The following ZDHHC17 variants were observed in gnomAD, a reference collection of about 807,000 sequenced individuals.
The protein encoded by ZDHHC17 is zDHHC palmitoyltransferase 17, also known as palmitoyltransferase ZDHHC17.
In ZDHHC17, 40 loss-of-function variants were observed where a neutral mutation model predicts 90.3. The ratio of observed to expected loss-of-function variants is 0.44; its 90% confidence interval spans 0.34 to 0.58. The LOEUF (loss-of-function observed/expected upper bound fraction) is 0.58, where lower values mean the gene tolerates loss of function less well. Ranked by LOEUF, ZDHHC17 falls within the 20% of genes least tolerant of loss-of-function variation. ZDHHC17 has a pLI of 0.01. For synonymous variants in ZDHHC17, 235 were observed against 252.4 expected (o/e 0.93, Z 0.65); for missense variants, 614 against 780.8 (o/e 0.79, Z 2.55).
At chr12:76,814,664 T>C (rs1953063134) in intron 5 of ZDHHC17, among the ~76,000 whole-genome samples, 1 of 151,954 alleles carries the variant, frequency 6.6e-6, no homozygotes, top group Non-Finnish European at 1.5e-5. Context: ...CTTTAGTGTG[T>C]TGCTTTTTCC....
chr12:76,804,843 T>C (rs1334045317), intron 2 of ZDHHC17, among the ~76,000 whole-genome samples: 1 of 152,168 alleles, frequency 6.6e-6, no homozygotes, highest in African/African-American at 2.4e-5. Flanking sequence ...ACTTTCGCCT[T>C]TCCTCGTGCC....
chr12:76,788,814 A>T (rs1952726058), intron 1 of ZDHHC17, among the ~76,000 whole-genome samples: 2 of 148,978 alleles, frequency 1.3e-5, no homozygotes, highest in African/African-American at 5.0e-5. Context: ...CTCCTGCCTC[A>T]GCCTGTCGAG....
intron 5 of ZDHHC17, among the ~76,000 whole-genome samples, chr12:76,811,227 C>T (rs1333292673): frequency 6.6e-6 from 1 of 152,164 alleles, no homozygotes; most frequent in African/African-American, 2.4e-5. Context: ...TATGGGGGGT[C>T]ATCTGGAGAG....
At position 76,826,974 on chromosome 12, in the gene ZDHHC17, G is replaced by C. The variant is rs1485748966; in HGVS notation, c.964G>C (p.Asp322His). Reference protein sequence around the residue: ...LVIWLVGFIADLNIDSWLIKG... With the variant: ...LVIWLVGFIAHLNIDSWLIKG... The stretch of plus-strand genomic sequence containing the variant: ...TATTTGGCTGGTTGGGTTTATAGCA[G>C]ACCTAAATATTGATTCTTGGCTCAT... Residue 322 changes from aspartate (D) to histidine (H), a missense_variant, in exon 9 of 17, where the codon GAC becomes CAC. Transcript: ENST00000426126. The C allele has an allele frequency of 6.4e-7, 1 of 1,554,270 alleles. No homozygotes were observed. The highest frequency in any genetic ancestry group is 1.4e-5 in the African/African-American group (1 of 70,796).
At chr12:76,805,230 G>T in intron 2 of ZDHHC17, 87 bp from the exon 3 acceptor site, 1 of 1,211,916 alleles carries the variant, frequency 8.3e-7, no homozygotes, top group South Asian at 1.4e-5. Flanking sequence ...GTATCAAAAT[G>T]AGGAATTATT....
Position 76,851,040 on chromosome 12 carries a change from T to TC in ZDHHC17, c.*57dup. The TC allele has an allele frequency of 6.2e-7, 1 of 1,607,564 alleles. No individual in the cohort carries two copies. The highest frequency in any genetic ancestry group is 1.3e-5 in the African/African-American group (1 of 74,904). ...GAGTGGTGCCTGAAAATTGTGTCTG[T>TC]CCGTGTCTTTCTCACACTCGAATCC... On this transcript the variant is annotated 3_prime_UTR_variant, in exon 17 of 17. Transcript: ENST00000426126.
chr12:76,764,945 C>T, intron 1 of ZDHHC17: 1 of 435,690 alleles, frequency 2.3e-6, no homozygotes, highest in Non-Finnish European at 4.6e-6. Context: ...GTCAAAGTAC[C>T]GTTTTTCTAG....
At chr12:76,774,939 GAC>G (rs1952541389) in intron 1 of ZDHHC17, among the ~76,000 whole-genome samples, 1 of 152,110 alleles carries the variant, frequency 6.6e-6, no homozygotes, top group African/African-American at 2.4e-5. Context: ...TCTTTTTTGA[GAC>G]AGGATCTTAC....
chr12:76,851,955 A>G lies in ZDHHC17; in HGVS notation c.*970A>G, dbSNP rs1163362443. The G allele has an allele frequency of 6.6e-6, 1 of 152,640 alleles. No homozygotes were observed. The highest frequency in any genetic ancestry group is 2.4e-5 in the African/African-American group (1 of 41,452). The allele number at this position is 152,640 out of a possible 1,614,324, so 9.5% of individuals were successfully genotyped here. A position where few individuals can be genotyped will look rare whatever the true frequency, so the allele number is the denominator to read the frequency against. ...ACAAAATAATGGCATTTAACTAAAG[A>G]TGGAGCATGATCTAAGTACATAGCA... On this transcript the variant is annotated 3_prime_UTR_variant, in exon 17 of 17. Transcript: ENST00000426126.
rs560773020 is a variant in ZDHHC17, at chr12:76,769,161, C to T, written c.93+4832C>T. ...GCAACCTCAGCCTCCTGCGTTCAAG[C>T]GATTCTCCTGCATCAGCCTCCCGAG... On this transcript the variant is annotated intron_variant, in intron 1 of 16. Coordinates refer to ENST00000426126, the MANE Select transcript of ZDHHC17 (RefSeq NM_015336.4). 11 of 299,796 alleles carry T rather than the reference C, an allele frequency of 3.7e-5. No homozygotes were observed. The East Asian group carries it at 6.7e-4, about 18-fold the overall frequency. The allele number at this position is 299,796 out of a possible 1,614,324, so 18.6% of individuals were successfully genotyped here. A position where few individuals can be genotyped will look rare whatever the true frequency, so the allele number is the denominator to read the frequency against.
intron 1 of ZDHHC17, among the ~76,000 whole-genome samples, chr12:76,778,537 A>T (rs1952587403): frequency 1.3e-5 from 2 of 152,182 alleles, no homozygotes; most frequent in Admixed American, 6.5e-5. Context: ...AGTTTTAACT[A>T]GGCCAAGATG....
Position 76,842,938 on chromosome 12 carries a change from A to G in ZDHHC17, c.1286A>G (p.Glu429Gly). The G allele has an allele frequency of 6.2e-7, 1 of 1,610,836 alleles. No homozygotes were observed. The highest frequency in any genetic ancestry group is 8.5e-7 in the Non-Finnish European group (1 of 1,178,070). Residue 429 changes from glutamate (E) to glycine (G), a missense_variant, in exon 12 of 17, where the codon GAG (glutamate) becomes GGG (glycine). Glu to Gly is a moderately conservative substitution (Grantham distance 98). This residue lies in a region of ZDHHC17 where 117 missense variants were observed against 183.6 expected (regional missense o/e 0.64). Transcript: ENST00000426126. ...QKKKTIVELA[E>G]TGSLDLSIFC... Reference sequence around the variant, plus strand: ...TCACAGACAATAGTTGAACTTGCAGAGACAGGAAGTCTGGACCTCAGTATA... The same window carrying G: ...TCACAGACAATAGTTGAACTTGCAGGGACAGGAAGTCTGGACCTCAGTATA...
rs1301095245 is a variant in ZDHHC17, at chr12:76,828,447, C to G, written c.1098C>G (p.Thr366=). ...TGCCCCTTGGGATATATTTGGCAAC[C>G]AAATTCTGGATGTATGTGACGTGGT... ...SALPLGIYLA[T]KFWMYVTWFF... Residue 366 remains threonine (T), a synonymous_variant, in exon 10 of 17, where the codon ACC becomes ACG. Transcript: ENST00000426126. The G allele has an allele frequency of 3.1e-6, 5 of 1,613,016 alleles. No individual in the cohort carries two copies. In the Admixed American group the frequency reaches 5.0e-5, roughly 16 times the overall value.
At position 76,784,769 on chromosome 12, in the gene ZDHHC17, A is replaced by G. The variant is rs11115363; in HGVS notation, c.94-12665A>G. Among the ~76,000 whole-genome samples the G allele has an allele frequency of 3.7e-3, 562 of 152,350 alleles. 5 individuals carry two copies. Among genetic ancestry groups the G allele is most frequent in the African/African-American group, 0.012 (513 of 41,578 alleles). On this transcript the variant is annotated intron_variant, in intron 1 of 16. Coordinates refer to ENST00000426126, the MANE Select transcript of ZDHHC17 (RefSeq NM_015336.4). The stretch of plus-strand genomic sequence containing the variant: ...CTGAAGCATTTATTTGAAGAATTGT[A>G]ACAGGAGATGAACATGTCTTTACTA...
At chr12:76,808,872 A>G (rs1952986733) in intron 3 of ZDHHC17, among the ~76,000 whole-genome samples, 171 bp from the exon 4 acceptor site, 1 of 151,890 alleles carries the variant, frequency 6.6e-6, no homozygotes, top group East Asian at 1.9e-4. Context: ...GGTATTTGAT[A>G]TAAAATTCTG....
chr12:76,830,693 G>C (rs1456529809), intron 10 of ZDHHC17, among the ~76,000 whole-genome samples: 3 of 152,012 alleles, frequency 2.0e-5, no homozygotes, highest in Non-Finnish European at 2.9e-5. Flanking sequence ...TTCTAACTTT[G>C]TGTTTCCTAA....
intron 1 of ZDHHC17, among the ~76,000 whole-genome samples, chr12:76,766,307 C>T (rs930111620): frequency 2.6e-5 from 4 of 152,188 alleles, no homozygotes; most frequent in African/African-American, 9.7e-5. Context: ...GGACCTTAAG[C>T]TTGTACTACA....
chr12:76,791,841 A>G (rs928664188), intron 1 of ZDHHC17, among the ~76,000 whole-genome samples: 1 of 152,142 alleles, frequency 6.6e-6, no homozygotes, highest in African/African-American at 2.4e-5. Flanking sequence ...TAAGTTGCTC[A>G]CAGAACACAG....
chr12:76,835,051 C>CTTA (rs1953347405), intron 10 of ZDHHC17, among the ~76,000 whole-genome samples: 1 of 127,834 alleles, frequency 7.8e-6, no homozygotes, highest in Non-Finnish European at 1.6e-5. Flanking sequence ...CGCGAAAAGC[C>CTTA]TTAGGCCTTT....
Sources: allele counts gnomAD v4.1 joint callset (sites outside exome capture counted in the v4.1 genomes callset), GRCh38; gene constraint gnomAD v4.1.1; regional missense constraint gnomAD v4.1.1; transcripts MANE v1.5; gene names NCBI Gene and HGNC (gene_info 2026-07-23, HGNC 2026-07-21).